The following PHACTR4 variants were observed in gnomAD, a reference collection of about 807,000 sequenced individuals.
The protein encoded by PHACTR4 is protein phosphatase 1, regulatory subunit 124.
Under a neutral mutation model 72.7 loss-of-function variants are expected in PHACTR4, and 51 were observed. The observed-to-expected ratio is 0.70, with a 90% confidence interval of 0.56 to 0.89. PHACTR4 has a LOEUF of 0.89. PHACTR4 is among the 40% of genes least tolerant of loss of function. The probability of loss-of-function intolerance (pLI) is 0.00; values close to 1 mark genes in which losing one functional copy is unlikely to be tolerated. For synonymous variants in PHACTR4, 255 were observed against 302.5 expected, an observed-to-expected ratio of 0.84 and a Z score of 1.63; for missense variants, 731 against 861.8, an observed-to-expected ratio of 0.85 and a Z score of 1.90.
chr1:28,442,323 G>A (rs1420766846), intron 2 of PHACTR4, among the ~76,000 whole-genome samples: 2 of 151,778 alleles, frequency 1.3e-5, no homozygotes, highest in Non-Finnish European at 2.9e-5. Context: ...AATTAGCTGA[G>A]CATGGTGGCG....
chr1:28,480,240 C>T (rs1660196070), intron 8 of PHACTR4, among the ~76,000 whole-genome samples: 1 of 152,170 alleles, frequency 6.6e-6, no homozygotes, highest in South Asian at 2.1e-4. Flanking sequence ...AGAAAAGATA[C>T]CTTTTAACCA....
chr1:28,396,179 G>A (rs1053343032), intron 1 of PHACTR4, among the ~76,000 whole-genome samples: 1 of 152,064 alleles, frequency 6.6e-6, no homozygotes, highest in Non-Finnish European at 1.5e-5. Context: ...TTAGGGAAAT[G>A]TAGAGGTTTT....
chr1:28,421,567 A>G (rs1655514594), intron 2 of PHACTR4, among the ~76,000 whole-genome samples: 1 of 152,064 alleles, frequency 6.6e-6, no homozygotes, highest in African/African-American at 2.4e-5. Context: ...GTTTCCTTTA[A>G]TGCTGCTATA....
intron 2 of PHACTR4, among the ~76,000 whole-genome samples, chr1:28,414,914 A>C (rs1655011899): frequency 6.6e-6 from 1 of 152,164 alleles, no homozygotes; most frequent in South Asian, 2.1e-4. Context: ...ACCTGGATAA[A>C]ATACAATGAA....
At position 28,491,648 on chromosome 1, in the gene PHACTR4, A is replaced by C. The variant is rs1661044744; in HGVS notation, c.1879-2A>C. 1 of 1,613,820 alleles carries C rather than the reference A, an allele frequency of 6.2e-7. No individual in the cohort carries two copies. The highest frequency in any genetic ancestry group is 1.7e-5 in the Admixed American group (1 of 59,946). ...TGAACTAAGAGGCTCCGTTTCCTTC[A>C]GCTCAGTCAAAGGCCAACTGTCGCT... is the stretch of plus-strand genomic sequence containing the variant. On this transcript the variant is annotated splice_acceptor_variant, in intron 11 of 13. Transcript: ENST00000373839. LOFTEE classifies it high-confidence loss of function.
Position 28,492,979 on chromosome 1 carries a change from A to G in PHACTR4, c.2017-36A>G, listed in dbSNP as rs376038619. 3.9e-6 allele frequency: 6 copies of G among 1,550,116 alleles called. No individual in the cohort carries two copies. In the African/African-American group the frequency reaches 8.2e-5, roughly 21 times the overall value. On this transcript the variant is annotated intron_variant, in intron 12 of 13. Coordinates refer to ENST00000373839, the MANE Select transcript of PHACTR4 (RefSeq NM_001048183.3). ...AGTTACACTGCTGTGCAAAGCAGCC[A>G]GAAGAAGCTGAAACATTTTTGTCTC... is the stretch of plus-strand genomic sequence containing the variant.
At chr1:28,486,899 A>G (rs1281665121) in intron 9 of PHACTR4, among the ~76,000 whole-genome samples, 2 of 151,586 alleles carry the variant, frequency 1.3e-5, no homozygotes, top group African/African-American at 4.8e-5. Context: ...GTGGTGGCTA[A>G]CATCTCTAAT....
intron 9 of PHACTR4, among the ~76,000 whole-genome samples, chr1:28,487,717 G>GTTTTGTT (rs1660763156): frequency 9.8e-6 from 1 of 102,416 alleles, no homozygotes; most frequent in African/African-American, 4.1e-5. Context: ...ACAAATTGTA[G>GTTTTGTT]TTTTTTGTTG....
At chr1:28,495,957 GA>G (rs1467686694) in intron 13 of PHACTR4, among the ~76,000 whole-genome samples, 2 of 151,224 alleles carry the variant, frequency 1.3e-5, no homozygotes, top group African/African-American at 2.4e-5. Context: ...GTAGACAGAG[GA>G]AAATGAACCA....
intron 1 of PHACTR4, 44 bp from the exon 2 acceptor site, chr1:28,407,366 G>T: frequency 9.5e-7 from 1 of 1,054,532 alleles, no homozygotes. Context: ...AAAGGTGATG[G>T]ACTATATGTA....
chr1:28,428,240 C>A (rs140593714), intron 2 of PHACTR4, among the ~76,000 whole-genome samples: 1 of 152,260 alleles, frequency 6.6e-6, no homozygotes, highest in Non-Finnish European at 1.5e-5. Flanking sequence ...CTTACTTTTT[C>A]TACATCTTCT....
At chr1:28,382,838 G>C (rs1652290931) in intron 1 of PHACTR4, among the ~76,000 whole-genome samples, 1 of 151,932 alleles carries the variant, frequency 6.6e-6, no homozygotes, top group South Asian at 2.1e-4. Flanking sequence ...CTGTTGCCCA[G>C]GCTGGAGTAC....
chr1:28,446,627 A>T (rs759554566), intron 2 of PHACTR4, among the ~76,000 whole-genome samples: 6 of 152,034 alleles, frequency 3.9e-5, no homozygotes, highest in Non-Finnish European at 7.4e-5. Flanking sequence ...AAAACTACAA[A>T]AATTAGCCGG....
chr1:28,423,154 T>A (rs958832091), intron 2 of PHACTR4, among the ~76,000 whole-genome samples: 12 of 152,122 alleles, frequency 7.9e-5, no homozygotes, highest in African/African-American at 2.9e-4. Flanking sequence ...GGCTCATGCC[T>A]GTAATCCCAG....
At chr1:28,476,544 T>A (rs1054985199) in intron 8 of PHACTR4, among the ~76,000 whole-genome samples, 194 of 134,466 alleles carry the variant, frequency 1.4e-3, no homozygotes, top group African/African-American at 5.3e-3. Flanking sequence ...TTTGTTTTAA[T>A]TTTTTTTTTT....
intron 1 of PHACTR4, among the ~76,000 whole-genome samples, chr1:28,375,796 G>A (rs371766996): frequency 3.3e-5 from 5 of 152,238 alleles, no homozygotes; most frequent in African/African-American, 7.2e-5. Flanking sequence ...TCGGCCAGGC[G>A]CGGTGGCTCA....
chr1:28,459,081 A>G lies in PHACTR4; in HGVS notation c.17-4A>G. ...TCCTTCCCTCTCTTCTTTTCATGTA[A>G]CAGAGGAAGCAGACCAGCCCACTAC... On this transcript the variant is annotated splice_polypyrimidine_tract_variant and splice_region_variant and intron_variant, in intron 2 of 13. Coordinates refer to ENST00000373839, the MANE Select transcript of PHACTR4 (RefSeq NM_001048183.3). The G allele has an allele frequency of 6.3e-7, 1 of 1,587,738 alleles. No homozygotes were observed. The highest frequency in any genetic ancestry group is 1.7e-4 in the Middle Eastern group (1 of 5,922).
At chr1:28,432,591 C>T (rs1214030362) in intron 2 of PHACTR4, among the ~76,000 whole-genome samples, 29 of 151,632 alleles carry the variant, frequency 1.9e-4, no homozygotes, top group Admixed American at 1.8e-3. Flanking sequence ...GAGCTATGAT[C>T]GCACCTCTGC....
chr1:28,426,533 G>C (rs993151624), intron 2 of PHACTR4, among the ~76,000 whole-genome samples: 1 of 151,084 alleles, frequency 6.6e-6, no homozygotes, highest in Non-Finnish European at 1.5e-5. Context: ...GCGTGGTGGT[G>C]GGCGCCTGTA....
Sources: allele counts gnomAD v4.1 joint callset (sites outside exome capture counted in the v4.1 genomes callset), GRCh38; gene constraint gnomAD v4.1.1; transcripts MANE v1.5; gene names NCBI Gene and HGNC (gene_info 2026-07-23, HGNC 2026-07-21).